The following LYPLAL1 variants were observed in gnomAD, a reference collection of about 807,000 sequenced individuals.
The protein encoded by LYPLAL1 is lysophospholipase-like protein 1.
LYPLAL1 carries 23 observed loss-of-function variants against 19.7 expected under a neutral mutation model. The ratio of observed to expected loss-of-function variants is 1.17; its 90% CI spans 0.84 to 1.65. The LOEUF is 1.65. LYPLAL1 is among the 40% of genes most tolerant of loss of function. LYPLAL1 has a pLI of 0.00. For missense variants in LYPLAL1, 355 were observed against 279.4 expected (o/e 1.27, Z -1.93); for synonymous variants, 119 against 96.3 (o/e 1.24, Z -1.38).
chr1:219,255,722 A>G, the LYPLAL1 span, among the ~76,000 whole-genome samples: 1 of 151,960 alleles, frequency 6.6e-6, no homozygotes, highest in African/African-American at 2.4e-5. Context: ...ATATGTTGTA[A>G]GTATGTTGTA....
the LYPLAL1 span, among the ~76,000 whole-genome samples, chr1:219,377,365 G>T: frequency 6.6e-6 from 1 of 152,164 alleles, no homozygotes; most frequent in East Asian, 1.9e-4. Flanking sequence ...TGTTTAATGG[G>T]TATAGAGTTT....
At chr1:219,204,574 C>T (rs1286483976) in intron 3 of LYPLAL1, among the ~76,000 whole-genome samples, 1 of 152,164 alleles carries the variant, frequency 6.6e-6, no homozygotes, top group African/African-American at 2.4e-5. Context: ...ATCTATATTG[C>T]ACTGGATAGT....
At chr1:219,435,759 G>C in the LYPLAL1 span, among the ~76,000 whole-genome samples, 1 of 152,042 alleles carries the variant, frequency 6.6e-6, no homozygotes, top group African/African-American at 2.4e-5. Flanking sequence ...CCGGGAGGTG[G>C]AGGTTGCAGT....
intron 3 of LYPLAL1, among the ~76,000 whole-genome samples, chr1:219,209,196 C>T (rs1053066647): frequency 2.0e-5 from 3 of 152,044 alleles, no homozygotes. Flanking sequence ...TTATTTCTTG[C>T]TGGTATGTTG....
intron 3 of LYPLAL1, among the ~76,000 whole-genome samples, chr1:219,204,591 A>G (rs1658393339): frequency 6.6e-6 from 1 of 152,234 alleles, no homozygotes; most frequent in Non-Finnish European, 1.5e-5. Flanking sequence ...TAGTTTTAAA[A>G]TTGCCATTAC....
the LYPLAL1 span, among the ~76,000 whole-genome samples, chr1:219,405,201 A>C: frequency 2.0e-5 from 3 of 152,202 alleles, no homozygotes; most frequent in Non-Finnish European, 4.4e-5. Flanking sequence ...TTCTGCATTA[A>C]CAGCATAAGT....
the LYPLAL1 span, chr1:219,435,184 T>C: frequency 6.6e-6 from 1 of 152,204 alleles, no homozygotes; most frequent in Non-Finnish European, 1.5e-5. Flanking sequence ...TCTTATTGGA[T>C]GCCAGAGATA....
chr1:219,323,355 C>G, the LYPLAL1 span, among the ~76,000 whole-genome samples: 1 of 152,134 alleles, frequency 6.6e-6, no homozygotes, highest in Non-Finnish European at 1.5e-5. Context: ...TGTCAATAGT[C>G]CTGGTTTCTC....
chr1:219,444,766 T>C, the LYPLAL1 span, among the ~76,000 whole-genome samples: 3 of 152,206 alleles, frequency 2.0e-5, no homozygotes, highest in Admixed American at 6.5e-5. Flanking sequence ...TCTTTGATGA[T>C]GTTAAACTAA....
chr1:219,360,436 G>GAGT, the LYPLAL1 span, among the ~76,000 whole-genome samples: 1 of 152,098 alleles, frequency 6.6e-6, no homozygotes, highest in African/African-American at 2.4e-5. Flanking sequence ...GTAGACATCG[G>GAGT]AGTAGTCATT....
chr1:219,412,544 G>T, the LYPLAL1 span, among the ~76,000 whole-genome samples: 2 of 152,322 alleles, frequency 1.3e-5, no homozygotes, highest in South Asian at 4.1e-4. Context: ...CTGTCACACA[G>T]CAAAAGCTCC....
At chr1:219,228,684 A>T in the LYPLAL1 span, among the ~76,000 whole-genome samples, 1 of 151,720 alleles carries the variant, frequency 6.6e-6, no homozygotes, top group African/African-American at 2.4e-5. Context: ...TTTTGTATGT[A>T]TTTATTTATT....
the LYPLAL1 span, among the ~76,000 whole-genome samples, chr1:219,286,845 C>CATCATCTCTGCTTTTTGACAGTTTCCT: frequency 4.6e-5 from 7 of 152,202 alleles, no homozygotes; most frequent in African/African-American, 1.4e-4. Context: ...TTTCATGGCC[C>CATCATCTCTGCTTTTTGACAGTTTCCT]ATCATCTCTG....
the LYPLAL1 span, among the ~76,000 whole-genome samples, chr1:219,356,336 C>G: frequency 6.6e-6 from 1 of 152,050 alleles, no homozygotes; most frequent in Non-Finnish European, 1.5e-5. Flanking sequence ...CCTGTCTCTA[C>G]TAAAAATACA....
In LYPLAL1 at chr1:219,211,550, A is replaced by T; in HGVS notation, c.536A>T (p.Asp179Val). 6.2e-7 allele frequency: 1 copy of T among 1,613,418 alleles called. No homozygotes were observed. ...TTATTTCAGTGTCATGGTACTGCAG[A>T]TGAGTTAGTTCTTCATTCTTGGGCA... ...PELFQCHGTA[D>V]ELVLHSWAEE... The change falls in exon 5 of 5, where the codon GAT becomes GTT. Residue 179 changes from aspartate to valine, a missense_variant. Coordinates refer to ENST00000366928, the MANE Select transcript of LYPLAL1 (RefSeq NM_138794.5).
intron 2 of LYPLAL1, among the ~76,000 whole-genome samples, chr1:219,191,319 T>G (rs2049423): frequency 0.62 from 94,310 of 151,324 alleles, 29,879 homozygotes; most frequent in East Asian, 0.93. Context: ...ATGAAGCATA[T>G]TTCTTAGTGG....
Position 219,201,876 on chromosome 1 carries a change from C to G in LYPLAL1, c.361+8625C>G, listed in dbSNP as rs150490197. Among the ~76,000 whole-genome samples the G allele has an allele frequency of 7.6e-3, 1,155 of 152,234 alleles. 4 individuals carry two copies. Among genetic ancestry groups the G allele is most frequent in the South Asian group, 0.023 (110 of 4,824 alleles). ...TTTCATATGCTGGATTCTTCACATA[C>G]GTTAGTTATTGATTCATAGAGCAAA... is the stretch of plus-strand genomic sequence containing the variant. On this transcript the variant is annotated intron_variant, in intron 3 of 4. Coordinates refer to ENST00000366928, the MANE Select transcript of LYPLAL1 (RefSeq NM_138794.5).
At chr1:219,176,090 T>G (rs561113780) in intron 1 of LYPLAL1, among the ~76,000 whole-genome samples, 1 of 152,240 alleles carries the variant, frequency 6.6e-6, no homozygotes, top group Non-Finnish European at 1.5e-5. Flanking sequence ...GATTTTCTTC[T>G]AGGAGATAGC....
the LYPLAL1 span, among the ~76,000 whole-genome samples, chr1:219,328,610 A>G: frequency 6.6e-6 from 1 of 152,188 alleles, no homozygotes; most frequent in Non-Finnish European, 1.5e-5. Context: ...AAATTATCAT[A>G]TACACACGCT....
Sources: gnomAD v4.1 joint callset for allele counts (sites outside exome capture counted in the v4.1 genomes callset) on GRCh38, gnomAD v4.1.1 for gene constraint, MANE v1.5 for transcripts, NCBI Gene and HGNC (gene_info 2026-07-23, HGNC 2026-07-21) for gene names.